Variants in PLCD4 observed in about 807,000 individuals in gnomAD.
The protein encoded by PLCD4 is phospholipase C delta 4.
A neutral mutation model predicts 90.2 loss-of-function variants in PLCD4; 63 were observed. The ratio of observed to expected loss-of-function variants is 0.70; its 90% CI spans 0.57 to 0.86. The LOEUF is 0.86. Among genes scored for constraint, PLCD4 ranks in the 40% least tolerant of loss-of-function variants. The probability of loss-of-function intolerance (pLI) is 0.00; values close to 1 mark genes in which losing one functional copy is unlikely to be tolerated. For synonymous variants in PLCD4, 294 were observed against 356.5 expected (o/e 0.82, Z 1.97); for missense variants, 830 against 956.3 (o/e 0.87, Z 1.74).
Position 218,615,909 on chromosome 2 carries a change from A to C in PLCD4, c.28A>C (p.Thr10Pro). 6.2e-7 allele frequency: 1 copy of C among 1,613,978 alleles called. No homozygotes were observed. The highest frequency in any genetic ancestry group is 8.5e-7 in the Non-Finnish European group (1 of 1,179,880). MASLLQDQLTTDQDLLLMQE... is the reference protein window; with the variant it reads MASLLQDQLPTDQDLLLMQE... ...CCCTGCTTTTCCTGACCTAGAGCTG[A>C]CCACTGATCAGGACTTGCTGCTGAT... The change falls in exon 3 of 16, where the codon ACC becomes CCC. Residue 10 changes from threonine (T) to proline (P), a missense_variant. Thr to Pro is a conservative substitution (Grantham distance 38, BLOSUM62 -1). Transcript: ENST00000450993.
Position 218,620,389 on chromosome 2 carries a change from C to T in PLCD4, c.411-1081C>T, listed in dbSNP as rs946768307. ...GGCGTGGCGACATGTATCTGCAATCCCAGCTACTCAGGAGGCTGAGGCACG... is the reference window on the plus strand; with the variant it reads ...GGCGTGGCGACATGTATCTGCAATCTCAGCTACTCAGGAGGCTGAGGCACG... On this transcript the variant is annotated intron_variant, in intron 4 of 15. Coordinates refer to ENST00000450993, the MANE Select transcript of PLCD4 (RefSeq NM_032726.4). Among the ~76,000 whole-genome samples, 7 of 152,044 alleles carry T rather than the reference C, an allele frequency of 4.6e-5. No individual in the cohort carries two copies. The East Asian group carries it at 1.4e-3, about 30-fold the overall frequency.
At chr2:218,616,726 T>C (rs78509983) in intron 3 of PLCD4, among the ~76,000 whole-genome samples, 3 of 128,776 alleles carry the variant, frequency 2.3e-5, no homozygotes, top group Admixed American at 8.5e-5. Flanking sequence ...AAAATACATA[T>C]ATACATACAT....
At chr2:218,623,818 G>A (rs1456622008) in intron 6 of PLCD4, among the ~76,000 whole-genome samples, 1 of 152,174 alleles carries the variant, frequency 6.6e-6, no homozygotes, top group Non-Finnish European at 1.5e-5. Flanking sequence ...GAGTAGCTGG[G>A]ATTACAGGCA....
intron 6 of PLCD4, among the ~76,000 whole-genome samples, chr2:218,626,015 A>C (rs1696100936): frequency 6.6e-6 from 1 of 152,058 alleles, no homozygotes; most frequent in African/African-American, 2.4e-5. Context: ...ATAATATGGG[A>C]GGGTGAGGCA....
intron 5 of PLCD4, 139 bp from the exon 6 acceptor site, chr2:218,622,508 T>C: frequency 1.9e-6 from 1 of 536,840 alleles, no homozygotes; most frequent in Non-Finnish European, 3.2e-6. Flanking sequence ...TGCATGCCTA[T>C]ATCAAAACAT....
Position 218,636,228 on chromosome 2 carries a change from T to C in PLCD4, c.2033-15T>C. The C allele has an allele frequency of 6.2e-7, 1 of 1,611,948 alleles. No individual in the cohort carries two copies. Among genetic ancestry groups the C allele is most frequent in the South Asian group, 1.1e-5 (1 of 91,048 alleles). On this transcript the variant is annotated splice_polypyrimidine_tract_variant and intron_variant, in intron 14 of 15. Coordinates refer to ENST00000450993, the MANE Select transcript of PLCD4 (RefSeq NM_032726.4). ...GTCATAATGTCTTCTTATTTCTTTC[T>C]GTCCACCAACTCAGGTTTTAATCCA...
intron 9 of PLCD4, among the ~76,000 whole-genome samples, 197 bp from the exon 10 acceptor site, chr2:218,631,939 A>T (rs1482698493): frequency 6.6e-6 from 1 of 152,230 alleles, no homozygotes; most frequent in Non-Finnish European, 1.5e-5. Flanking sequence ...ATTATTTTCC[A>T]TATGGATAGA....
In PLCD4 at chr2:218,630,820, C is replaced by A; in HGVS notation, c.1272+18C>A. On this transcript the variant is annotated intron_variant, in intron 9 of 15. Coordinates refer to ENST00000450993, the MANE Select transcript of PLCD4 (RefSeq NM_032726.4). ...CGCCTGAGGTAGGGACACTGTTCCT[C>A]CAGCCCAGGCTCTGCTGTGGCTTCT... is the stretch of plus-strand genomic sequence containing the variant. 6.3e-7 allele frequency: 1 copy of A among 1,598,188 alleles called. No individual in the cohort carries two copies. The highest frequency in any genetic ancestry group is 1.1e-5 in the South Asian group (1 of 88,728).
At chr2:218,630,347 C>T (rs1435246324) in intron 8 of PLCD4, among the ~76,000 whole-genome samples, 1 of 152,126 alleles carries the variant, frequency 6.6e-6, no homozygotes, top group African/African-American at 2.4e-5. Context: ...GGGAATGTGG[C>T]CTGGCCTTCC....
intron 3 of PLCD4, 112 bp from the exon 4 acceptor site, chr2:218,618,467 G>T: frequency 1.1e-6 from 1 of 887,464 alleles, no homozygotes; most frequent in Non-Finnish European, 1.8e-6. Flanking sequence ...TGCAGAGGCT[G>T]GGGTTCTTTT....
chr2:218,620,430 G>A (rs1331027159), intron 4 of PLCD4, among the ~76,000 whole-genome samples: 4 of 151,174 alleles, frequency 2.6e-5, no homozygotes, highest in East Asian at 2.0e-4. Context: ...CACTTGAACC[G>A]GAAAAGGTTG....
At chr2:218,622,979 G>T in intron 6 of PLCD4, 101 bp downstream of exon 6, 2 of 1,052,120 alleles carry the variant, frequency 1.9e-6, no homozygotes, top group South Asian at 2.9e-5. Context: ...AGAGAAGGTT[G>T]AGTCTATCCC....
chr2:218,633,408 GTCCGTCTATC>G (rs1696501644), intron 10 of PLCD4, 187 bp from the exon 11 acceptor site: 1 of 728,482 alleles, frequency 1.4e-6, no homozygotes, highest in Non-Finnish European at 2.5e-6. Context: ...CCGCTGTTTT[GTCCGTCTATC>G]TGTTGTCAGA....
chr2:218,633,524 G>C, intron 10 of PLCD4, 81 bp from the exon 11 acceptor site: 1 of 1,499,848 alleles, frequency 6.7e-7, no homozygotes, highest in African/African-American at 1.4e-5. Context: ...AGTGGGCAGA[G>C]GTTTAGGTTG....
chr2:218,630,521 TG>T, intron 8 of PLCD4, 128 bp from the exon 9 acceptor site: 5 of 1,058,844 alleles, frequency 4.7e-6, no homozygotes, highest in Non-Finnish European at 7.1e-6. Context: ...ATAATGGAGT[TG>T]GAAGAGTTTA....
In PLCD4 at chr2:218,630,644, C is replaced by G; in HGVS notation, c.1120-6C>G. The G allele has an allele frequency of 6.2e-6, 10 of 1,613,988 alleles. No individual in the cohort carries two copies. Among genetic ancestry groups the G allele is most frequent in the Non-Finnish European group, 8.5e-6 (10 of 1,179,878 alleles). On this transcript the variant is annotated splice_polypyrimidine_tract_variant and splice_region_variant and intron_variant, in intron 8 of 15. Transcript: ENST00000450993. ...TGAATCCATTGTTCCCTCCCCTCAC[C>G]ACCAGACATCAGACTACCCAGTCAT...
chr2:218,626,096 A>C (rs989240066), intron 6 of PLCD4, among the ~76,000 whole-genome samples: 1 of 151,994 alleles, frequency 6.6e-6, no homozygotes, highest in South Asian at 2.1e-4. Flanking sequence ...TCTAAAAATA[A>C]AAAAATAAAA....
At position 218,615,920 on chromosome 2, in the gene PLCD4, G is replaced by A; in HGVS notation, c.39G>A (p.Gln13=). The A allele has an allele frequency of 6.2e-7, 1 of 1,614,058 alleles. No individual in the cohort carries two copies. The highest frequency in any genetic ancestry group is 8.5e-7 in the Non-Finnish European group (1 of 1,179,894). ...CTGACCTAGAGCTGACCACTGATCA[G>A]GACTTGCTGCTGATGCAGGAAGGCA... ...SLLQDQLTTD[Q]DLLLMQEGMP... Residue 13 remains glutamine, a synonymous_variant, in exon 3 of 16, where the codon CAG becomes CAA. Coordinates refer to ENST00000450993, the MANE Select transcript of PLCD4 (RefSeq NM_032726.4).
At position 218,635,951 on chromosome 2, in the gene PLCD4, G is replaced by T; in HGVS notation, c.2032+20G>T. 1 of 1,613,962 alleles carries T rather than the reference G, an allele frequency of 6.2e-7. No homozygotes were observed. On this transcript the variant is annotated intron_variant, in intron 14 of 15. Transcript: ENST00000450993. Reference sequence around the variant, plus strand: ...ACAATGGTGAGAAACTGGCAGTGCTGGGGAGGTGGGGGTAGGAGCATGATT... The same window carrying T: ...ACAATGGTGAGAAACTGGCAGTGCTTGGGAGGTGGGGGTAGGAGCATGATT...
Sources: allele counts gnomAD v4.1 joint callset (sites outside exome capture counted in the v4.1 genomes callset), GRCh38; gene constraint gnomAD v4.1.1; transcripts MANE v1.5; gene names NCBI Gene and HGNC (gene_info 2026-07-23, HGNC 2026-07-21).